Variants in XKR4 observed in about 807,000 individuals in gnomAD.
XKR4 encodes the protein XK related 4.
In XKR4, 12 loss-of-function variants were observed where a neutral mutation model predicts 53.9. That is an observed-to-expected ratio of 0.22 (90% CI 0.14 to 0.36). The LOEUF (loss-of-function observed/expected upper bound fraction) is 0.36. XKR4 is among the 10% of genes least tolerant of loss of function. The pLI, the probability that XKR4 is intolerant of heterozygous loss-of-function variation, is 1.00. For synonymous variants in XKR4, 354 were observed against 362.4 expected, an observed-to-expected ratio of 0.98 and a Z score of 0.26; for missense variants, 799 against 859.5, an observed-to-expected ratio of 0.93 and a Z score of 0.88.
intron 2 of XKR4, among the ~76,000 whole-genome samples, chr8:55,473,867 C>T (rs1168908594): frequency 1.3e-5 from 2 of 151,080 alleles, no homozygotes; most frequent in African/African-American, 2.4e-5. Context: ...TCTCTCTCCC[C>T]ACCCCACCTT....
rs1316541826 is a variant in XKR4 at position 55,103,314 on chromosome 8, A to G, written c.806+20A>G. 2 of 1,567,382 alleles carry G rather than the reference A, an allele frequency of 1.3e-6. No homozygotes were observed. Among genetic ancestry groups the G allele is most frequent in the African/African-American group, 1.4e-5 (1 of 73,658 alleles). On this transcript the variant is annotated intron_variant, in intron 1 of 2. Transcript: ENST00000327381. ...CTGGAGGTACTGTAATGGGTGGGGG[A>G]AAAGGGAGGCTTGCTGCTGCTACTA...
intron 1 of XKR4, among the ~76,000 whole-genome samples, chr8:55,228,111 T>C (rs1159653213): frequency 6.6e-6 from 1 of 152,176 alleles, no homozygotes; most frequent in Non-Finnish European, 1.5e-5. Flanking sequence ...TTCATCATGT[T>C]GGCCAGGCTG....
At chr8:55,161,542 C>T in intron 1 of XKR4, 1 of 456,244 alleles carries the variant, frequency 2.2e-6, no homozygotes, top group Non-Finnish European at 4.4e-6. Context: ...CGCTCAAAAC[C>T]TCCCACTACT....
chr8:55,130,596 G>C (rs1373104554), intron 1 of XKR4, among the ~76,000 whole-genome samples: 2 of 152,202 alleles, frequency 1.3e-5, no homozygotes, highest in African/African-American at 2.4e-5. Context: ...CCTTTGGACA[G>C]AGCCTCAGTT....
chr8:55,116,500 C>T (rs544577288), intron 1 of XKR4, among the ~76,000 whole-genome samples: 5 of 152,158 alleles, frequency 3.3e-5, no homozygotes, highest in South Asian at 2.1e-4. Flanking sequence ...TGTCTTCCTA[C>T]GTGAGAAATG....
rs1381479044 is a variant in XKR4 at position 55,135,900 on chromosome 8, TTTTTG to T, written c.806+32611_806+32615del. The stretch of plus-strand genomic sequence containing the variant: ...TTTCAACATGCTCACTTTTTTTTTT[TTTTTG>T]TTTTTTTGAGACAGAGTCTCGCTCT... On this transcript the variant is annotated intron_variant, in intron 1 of 2. Coordinates refer to ENST00000327381, the MANE Select transcript of XKR4 (RefSeq NM_052898.2). Among the ~76,000 whole-genome samples the T allele has an allele frequency of 2.7e-3, 407 of 149,934 alleles. 1 individual carries two copies. Among genetic ancestry groups the T allele is most frequent in the African/African-American group, 9.4e-3 (385 of 40,810 alleles).
intron 1 of XKR4, among the ~76,000 whole-genome samples, chr8:55,259,824 T>A (rs1423553162): frequency 6.6e-6 from 1 of 152,194 alleles, no homozygotes; most frequent in Non-Finnish European, 1.5e-5. Flanking sequence ...TTAAACTTAA[T>A]GAATCTAATT....
intron 2 of XKR4, among the ~76,000 whole-genome samples, chr8:55,436,981 A>C (rs947853233): frequency 1.3e-5 from 2 of 152,172 alleles, no homozygotes. Flanking sequence ...GAGTTTTCTA[A>C]ACAAGGAAAT....
chr8:55,145,625 A>G (rs1816764138), intron 1 of XKR4, among the ~76,000 whole-genome samples: 1 of 152,226 alleles, frequency 6.6e-6, no homozygotes, highest in African/African-American at 2.4e-5. Flanking sequence ...CTTTTTGAAT[A>G]GTTGCAATAT....
intron 1 of XKR4, among the ~76,000 whole-genome samples, chr8:55,345,148 G>A (rs1480497826): frequency 1.3e-5 from 2 of 151,902 alleles, no homozygotes; most frequent in Admixed American, 6.6e-5. Context: ...TGGGTGTGGT[G>A]GTGCACACCA....
intron 1 of XKR4, among the ~76,000 whole-genome samples, chr8:55,350,885 G>A (rs191390941): frequency 2.4e-3 from 360 of 151,816 alleles, no homozygotes; most frequent in Middle Eastern, 0.017. Flanking sequence ...GATTACATGC[G>A]TGCGCCACCA....
intron 1 of XKR4, among the ~76,000 whole-genome samples, chr8:55,178,106 C>T (rs554240881): frequency 2.6e-5 from 4 of 152,226 alleles, no homozygotes; most frequent in Non-Finnish European, 5.9e-5. Context: ...AGGTCGCTCA[C>T]ATTCTTGTGC....
At chr8:55,273,066 C>A (rs1325920287) in intron 1 of XKR4, among the ~76,000 whole-genome samples, 1 of 151,928 alleles carries the variant, frequency 6.6e-6, no homozygotes, top group Non-Finnish European at 1.5e-5. Flanking sequence ...ATTACAAGAT[C>A]TGTTAGCTTC....
At position 55,210,114 on chromosome 8, in the gene XKR4, C is replaced by T. The variant is rs564793896; in HGVS notation, c.806+106820C>T. 6.2e-5 allele frequency among the ~76,000 whole-genome samples: 9 copies of T among 144,822 alleles called. No individual in the cohort carries two copies. The East Asian group carries it at 1.2e-3, about 20-fold the overall frequency. On this transcript the variant is annotated intron_variant, in intron 1 of 2. Coordinates refer to ENST00000327381, the MANE Select transcript of XKR4 (RefSeq NM_052898.2). ...TTTTTTTTTTTTTTTGAGACAGTTT[C>T]GCTTTTGTTGCCCAGGCTGAAGTGC...
intron 2 of XKR4, among the ~76,000 whole-genome samples, chr8:55,433,843 T>C (rs1020343046): frequency 6.6e-6 from 1 of 152,060 alleles, no homozygotes; most frequent in South Asian, 2.1e-4. Flanking sequence ...CTGGACAACA[T>C]AGGGAGATCC....
At chr8:55,284,830 A>G (rs894082661) in intron 1 of XKR4, among the ~76,000 whole-genome samples, 1 of 152,180 alleles carries the variant, frequency 6.6e-6, no homozygotes, top group African/African-American at 2.4e-5. Flanking sequence ...ATGTAGACAT[A>G]TGTTTATTGC....
At chr8:55,317,802 A>G (rs1429067508) in intron 1 of XKR4, among the ~76,000 whole-genome samples, 1 of 152,202 alleles carries the variant, frequency 6.6e-6, no homozygotes, top group Admixed American at 6.5e-5. Flanking sequence ...CAGAGAGTTG[A>G]TGATTGGCAT....
chr8:55,386,583 A>G (rs1804319294), intron 2 of XKR4, among the ~76,000 whole-genome samples: 1 of 152,226 alleles, frequency 6.6e-6, no homozygotes, highest in Non-Finnish European at 1.5e-5. Flanking sequence ...CAGTATTGCC[A>G]AAATGGAGAT....
intron 2 of XKR4, chr8:55,450,081 C>T: frequency 2.8e-6 from 2 of 725,598 alleles, no homozygotes; most frequent in Non-Finnish European, 5.0e-6. Context: ...GCCATGCAGC[C>T]TTCACGCGGT....
Sources: allele counts gnomAD v4.1 joint callset (sites outside exome capture counted in the v4.1 genomes callset), GRCh38; gene constraint gnomAD v4.1.1; transcripts MANE v1.5; gene names NCBI Gene and HGNC (gene_info 2026-07-23, HGNC 2026-07-21).